GMDS: variants seen among roughly 807,000 people sequenced by gnomAD.
GMDS encodes GDP-mannose 4,6 dehydratase.
In GMDS, 20 loss-of-function variants were observed where a neutral mutation model predicts 49.9. The ratio of observed to expected loss-of-function variants is 0.40; its 90% CI spans 0.28 to 0.58. The LOEUF (loss-of-function observed/expected upper bound fraction) is 0.58, where lower values mean the gene tolerates loss of function less well. GMDS is among the 20% of genes least tolerant of loss of function. The pLI, the probability that GMDS is intolerant of heterozygous loss-of-function variation, is 0.42. For synonymous variants in GMDS, 177 were observed against 178.6 expected (o/e 0.99, Z 0.07); for missense variants, 362 against 481.4 (o/e 0.75, Z 2.32).
At chr6:2,162,779 A>G (rs114445549) in intron 1 of GMDS, among the ~76,000 whole-genome samples, 2,136 of 151,862 alleles carry the variant, frequency 0.014, 26 homozygotes, top group African/African-American at 0.031. Context: ...ACGTCTAAGA[A>G]GTGGCCCTGG....
chr6:2,134,134 T>C (rs187102722), intron 1 of GMDS, among the ~76,000 whole-genome samples: 5 of 152,324 alleles, frequency 3.3e-5, no homozygotes, highest in African/African-American at 1.2e-4. Flanking sequence ...CACTGCCTTG[T>C]AGACTGCACA....
intron 1 of GMDS, among the ~76,000 whole-genome samples, chr6:2,145,647 A>C (rs76160305): frequency 0.041 from 6,179 of 152,286 alleles, 252 homozygotes; most frequent in South Asian, 0.13. Flanking sequence ...GAAAATATTC[A>C]GAAAACAAAC....
intron 6 of GMDS, among the ~76,000 whole-genome samples, chr6:1,946,291 C>T (rs909796666): frequency 1.3e-5 from 2 of 152,202 alleles, no homozygotes; most frequent in Non-Finnish European, 2.9e-5. Flanking sequence ...AGGTAATGGA[C>T]AGTCACACAG....
intron 7 of GMDS, among the ~76,000 whole-genome samples, chr6:1,929,678 A>G (rs1303759260): frequency 6.6e-6 from 1 of 152,188 alleles, no homozygotes; most frequent in Non-Finnish European, 1.5e-5. Flanking sequence ...TTCCATAAGA[A>G]TATTACTCTT....
intron 7 of GMDS, among the ~76,000 whole-genome samples, chr6:1,758,645 C>A (rs1768047198): frequency 6.6e-6 from 1 of 152,220 alleles, no homozygotes; most frequent in South Asian, 2.1e-4. Flanking sequence ...CTGGGTGGAG[C>A]TGGAGAATGT....
chr6:1,849,357 A>C (rs1387390813), intron 7 of GMDS, among the ~76,000 whole-genome samples: 1 of 152,206 alleles, frequency 6.6e-6, no homozygotes, highest in Non-Finnish European at 1.5e-5. Flanking sequence ...CATGCTGATC[A>C]AACTGTTTCA....
In GMDS at chr6:1,833,024, A is replaced by G. The variant is rs1182406001; in HGVS notation, c.772-90438T>C. ...AGTAGCACTGAGTGCAACCACTGTC[A>G]GTTTTGTGGGGTTGGCCTCTGATCA... is the stretch of plus-strand genomic sequence containing the variant. On this transcript the variant is annotated intron_variant, in intron 7 of 10. Transcript: ENST00000380815. The surrounding 1 kb of genome is among the most constrained non-coding windows in gnomAD (Gnocchi z 4.4). Among the ~76,000 whole-genome samples, 1 of 151,844 alleles carries G rather than the reference A, an allele frequency of 6.6e-6. No homozygotes were observed. Among genetic ancestry groups the G allele is most frequent in the African/African-American group, 2.4e-5 (1 of 41,306 alleles).
intron 5 of GMDS, 54 bp downstream of exon 5, chr6:1,960,711 ACACACCCCC>A: frequency 9.1e-7 from 1 of 1,102,822 alleles, no homozygotes; most frequent in Non-Finnish European, 1.3e-6. Flanking sequence ...AAGGAAAAAC[ACACACCCCC>A]CACACCCACA....
At chr6:1,740,731 T>C (rs1398623007) in intron 8 of GMDS, among the ~76,000 whole-genome samples, 2 of 151,854 alleles carry the variant, frequency 1.3e-5, no homozygotes, top group Admixed American at 6.6e-5. Flanking sequence ...AAAAATAAAA[T>C]AGAAGGCCAA....
intron 4 of GMDS, among the ~76,000 whole-genome samples, chr6:2,014,035 A>T (rs2127397633): frequency 6.6e-6 from 1 of 150,470 alleles, no homozygotes; most frequent in Non-Finnish European, 1.5e-5. Context: ...AGCAAGCCAA[A>T]AGACAACTGT....
At chr6:1,940,669 T>A (rs1762780955) in intron 6 of GMDS, among the ~76,000 whole-genome samples, 1 of 152,220 alleles carries the variant, frequency 6.6e-6, no homozygotes, top group Non-Finnish European at 1.5e-5. Context: ...AGAGGACAAT[T>A]CACAATGTGC....
At chr6:2,100,126 C>T (rs1331601456) in intron 4 of GMDS, among the ~76,000 whole-genome samples, 1 of 152,024 alleles carries the variant, frequency 6.6e-6, no homozygotes, top group East Asian at 1.9e-4. Context: ...AAAATTCTGA[C>T]AAGATTAATT....
chr6:1,995,588 G>C (rs1316347140), intron 4 of GMDS, among the ~76,000 whole-genome samples: 4 of 152,126 alleles, frequency 2.6e-5, no homozygotes, highest in African/African-American at 9.7e-5. Context: ...CTGCACTTAG[G>C]GAGATAAACA....
At chr6:2,109,280 G>C (rs1395515341) in intron 4 of GMDS, among the ~76,000 whole-genome samples, 1 of 152,186 alleles carries the variant, frequency 6.6e-6, no homozygotes, top group East Asian at 1.9e-4. Context: ...CAGGACTTGG[G>C]GTGGTGAGGG....
intron 7 of GMDS, among the ~76,000 whole-genome samples, chr6:1,761,523 C>T (rs1199233869): frequency 3.9e-5 from 6 of 152,138 alleles, no homozygotes; most frequent in Non-Finnish European, 7.3e-5. Flanking sequence ...ATGTCATTTA[C>T]GCCAGTGCTA....
At position 1,827,400 on chromosome 6, in the gene GMDS, CGTTTTGGAAAACCTGT is replaced by C. The variant is rs1156866435; in HGVS notation, c.772-84830_772-84815del. Among the ~76,000 whole-genome samples, 13 of 37,392 alleles carry C rather than the reference CGTTTTGGAAAACCTGT, an allele frequency of 3.5e-4. 1 individual carries two copies. The highest frequency in any genetic ancestry group is 1.4e-3 in the African/African-American group (8 of 5,736). 24.5% of individuals were successfully genotyped at this position (37,392 alleles called of 152,430 possible). ...GTTTTGGAAAACCTGTATATACACA[CGTTTTGGAAAACCTGT>C]ATATACACACGTTTTGGAAAACCTG... On this transcript the variant is annotated intron_variant, in intron 7 of 10. Coordinates refer to ENST00000380815, the MANE Select transcript of GMDS (RefSeq NM_001500.4).
chr6:2,062,162 C>T (rs1353391225), intron 4 of GMDS, among the ~76,000 whole-genome samples: 1 of 152,138 alleles, frequency 6.6e-6, no homozygotes, highest in Non-Finnish European at 1.5e-5. Context: ...GCAATTTTCC[C>T]ATCTGTGGTC....
At chr6:1,686,605 G>A (rs897158648) in intron 9 of GMDS, among the ~76,000 whole-genome samples, 8 of 152,204 alleles carry the variant, frequency 5.3e-5, no homozygotes, top group Admixed American at 4.6e-4. Flanking sequence ...GATCTAAATA[G>A]ATCCCCCCCG....
intron 1 of GMDS, among the ~76,000 whole-genome samples, chr6:2,161,277 G>A (rs927035023): frequency 1.3e-5 from 2 of 152,118 alleles, no homozygotes; most frequent in African/African-American, 2.4e-5. Flanking sequence ...CCAAAGTGCT[G>A]GGATTACAAG....
Sources: gnomAD v4.1 joint callset for allele counts (sites outside exome capture counted in the v4.1 genomes callset) on GRCh38, gnomAD v4.1.1 for gene constraint, Gnocchi (gnomAD v3.1) non-coding constraint, MANE v1.5 for transcripts, NCBI Gene and HGNC (gene_info 2026-07-23, HGNC 2026-07-21) for gene names.